Variants in RECQL4 observed in about 807,000 individuals in gnomAD.
The protein encoded by RECQL4 is RecQ like helicase 4.
A neutral mutation model predicts 128.6 loss-of-function variants in RECQL4; 158 were observed. The ratio of observed to expected loss-of-function variants is 1.23; its 90% CI spans 1.08 to 1.40. The LOEUF is 1.40. Among genes scored for constraint, RECQL4 ranks in the 40% most tolerant of loss-of-function variants. The probability of loss-of-function intolerance (pLI) is 0.00; values close to 1 mark genes in which losing one functional copy is unlikely to be tolerated. For missense variants in RECQL4, 2,293 were observed against 1,649.8 expected (o/e 1.39, Z -6.75); for synonymous variants, 996 against 678.9 (o/e 1.47, Z -7.26).
At position 144,514,982 on chromosome 8, in the gene RECQL4, CA is replaced by C. The variant is rs386833845; in HGVS notation, c.1573del (p.Cys525AlafsTer33). ...CAGGGGAGAGACGACCAACGTGAGGCAGGGGCTGCGCCGGCTGTAGAGCAGC... is the reference window on the plus strand; with the variant it reads ...CAGGGGAGAGACGACCAACGTGAGGCGGGGCTGCGCCGGCTGTAGAGCAGC... The part of the protein sequence containing the change: ...PALLYSRRSP[C>X]LTLVVSPLLS... On this transcript the variant is annotated frameshift_variant, in exon 9 of 21. Coordinates refer to ENST00000617875, the MANE Select transcript of RECQL4 (RefSeq NM_004260.4). LOFTEE classifies it high-confidence loss of function. 647 of 1,611,852 alleles carry C rather than the reference CA, an allele frequency of 4.0e-4. No homozygotes were observed. Among genetic ancestry groups the C allele is most frequent in the Non-Finnish European group, 4.9e-4 (578 of 1,179,582 alleles).
rs774320251 is a variant in RECQL4 at position 144,512,329 on chromosome 8, C to A, written c.3056-5G>T. The A allele has an allele frequency of 6.2e-7, 1 of 1,611,968 alleles. No individual in the cohort carries two copies. Among genetic ancestry groups the A allele is most frequent in the Non-Finnish European group, 8.5e-7 (1 of 1,179,438 alleles). On this transcript the variant is annotated splice_region_variant and splice_polypyrimidine_tract_variant and intron_variant, in intron 17 of 20. Coordinates refer to ENST00000617875, the MANE Select transcript of RECQL4 (RefSeq NM_004260.4). ...CCCCTGTCCCACGCCGCACACCTGCCGGAAAGCATGTCAGATGCAGGCAGG... is the reference window on the plus strand; with the variant it reads ...CCCCTGTCCCACGCCGCACACCTGCAGGAAAGCATGTCAGATGCAGGCAGG...
chr8:144,515,368 C>G lies in RECQL4; in HGVS notation c.1348G>C (p.Val450Leu). ...VPEVPSLDPTVLPLYSLGPSG... is the reference protein window; with the variant it reads ...VPEVPSLDPTLLPLYSLGPSG... ...GGCCCCAGGGAGTAGAGTGGCAGCA[C>G]GGTGGGGTCCAGGCTGGGCACCTCA... is the stretch of plus-strand genomic sequence containing the variant. The change falls in exon 7 of 21, where the codon GTG becomes CTG. Residue 450 changes from valine (V) to leucine (L), a missense_variant. Val to Leu is a conservative substitution (Grantham distance 32). Coordinates refer to ENST00000617875, the MANE Select transcript of RECQL4 (RefSeq NM_004260.4). 6.2e-7 allele frequency: 1 copy of G among 1,612,718 alleles called. No individual in the cohort carries two copies. Among genetic ancestry groups the G allele is most frequent in the Non-Finnish European group, 8.5e-7 (1 of 1,179,828 alleles).
rs753386714 is a variant in RECQL4 at position 144,513,331 on chromosome 8, G to A, written c.2350C>T (p.Arg784Trp). ...FGMGLDRPDV[R>W]AVLHLGLPPS... ...GGCAGCCCCAGATGCAGCACAGCCC[G>A]CACATCTGGCCGGTCCAGCCCCATC... Residue 784 changes from arginine to tryptophan, a missense_variant, in exon 14 of 21, where the codon CGG (arginine) becomes TGG (tryptophan). Coordinates refer to ENST00000617875, the MANE Select transcript of RECQL4 (RefSeq NM_004260.4). The A allele has an allele frequency of 6.9e-6, 11 of 1,603,266 alleles. No individual in the cohort carries two copies. Among genetic ancestry groups the A allele is most frequent in the African/African-American group, 4.0e-5 (3 of 74,924 alleles).
chr8:144,513,863 G>C, intron 12 of RECQL4, 65 bp downstream of exon 12: 1 of 1,524,146 alleles, frequency 6.6e-7, no homozygotes. Flanking sequence ...TGGGGAGTGA[G>C]GAGGGGTCGG....
At position 144,516,086 on chromosome 8, in the gene RECQL4, G is replaced by A; in HGVS notation, c.1033C>T (p.Leu345=). Residue 345 remains leucine (L), a synonymous_variant, in exon 5 of 21, where the codon CTG becomes TTG. Transcript: ENST00000617875. The part of the protein sequence containing the change: ...GTAPLHIFPR[L]ARHDRGNYVR... ...TAATTGCCCCTGTCATGGCGGGCCA[G>A]CCGAGGGAAGATGTGCAGGGGGGCT... is the stretch of plus-strand genomic sequence containing the variant. 6.2e-7 allele frequency: 1 copy of A among 1,612,682 alleles called. No individual in the cohort carries two copies. Among genetic ancestry groups the A allele is most frequent in the South Asian group, 1.1e-5 (1 of 91,090 alleles).
At position 144,515,872 on chromosome 8, in the gene RECQL4, G is replaced by T. The variant is rs766026341; in HGVS notation, c.1150C>A (p.Arg384=). The part of the protein sequence containing the change: ...LRKQAWKQKW[R]KKGECFGGGG... ...CCCCCAAAACACTCCCCTTTCTTCC[G>T]CCACTTCTGCTTCCATGCCTGGGGG... is the stretch of plus-strand genomic sequence containing the variant. Residue 384 remains arginine (R), a synonymous_variant, in exon 6 of 21, where the codon CGG becomes AGG. Transcript: ENST00000617875. 1.2e-6 allele frequency: 2 copies of T among 1,612,814 alleles called. No individual in the cohort carries two copies. Among genetic ancestry groups the T allele is most frequent in the South Asian group, 2.2e-5 (2 of 91,044 alleles).
chr8:144,517,133 G>A lies in RECQL4; in HGVS notation c.271C>T (p.Gln91Ter), dbSNP rs2130735808. The A allele has an allele frequency of 1.2e-6, 2 of 1,611,864 alleles. No homozygotes were observed. Among genetic ancestry groups the A allele is most frequent in the Non-Finnish European group, 1.7e-6 (2 of 1,179,628 alleles). Residue 91 changes from glutamine to a stop codon, truncating the protein, a stop_gained, in exon 4 of 21, where the codon CAG becomes TAG. Transcript: ENST00000617875. LOFTEE classifies it high-confidence loss of function. ...HLNRAATKSP[Q>*]STPGRSRQGS... ...TGGCGGCTCCGCCCTGGCGTAGACT[G>A]TGGACTCTTGGTCGCAGCCCGATTC...
At chr8:144,513,821 G>GTGGGCA in intron 12 of RECQL4, 107 bp downstream of exon 12, 1 of 635,746 alleles carries the variant, frequency 1.6e-6, no homozygotes. Context: ...CGGCGTGGGC[G>GTGGGCA]GTGGGGAGTG....
rs750400159 is a variant in RECQL4 at position 144,512,405 on chromosome 8, G to A, written c.3042C>T (p.His1014=). The change falls in exon 17 of 21, where the codon CAC becomes CAT. Residue 1014 remains histidine (H), a synonymous_variant. Transcript: ENST00000617875. ...RRALCQLQWD[H]EPRTGVRRGT... is the part of the protein sequence containing the mutation. ...GGAGAGGCGCACCTGTCCTGGGCTC[G>A]TGGTCCCACTGCAGCTGGCAGAGAG... 6.0e-5 allele frequency: 96 copies of A among 1,607,148 alleles called. 2 individuals carry two copies. Among genetic ancestry groups the A allele is most frequent in the South Asian group, 5.7e-4 (52 of 90,956 alleles).
chr8:144,511,882 G>C (rs373689479), intron 19 of RECQL4, 29 bp downstream of exon 19: 2 of 1,609,784 alleles, frequency 1.2e-6, no homozygotes, highest in Non-Finnish European at 8.5e-7. Flanking sequence ...CTGCAACCCC[G>C]ATGAGCTGCC....
chr8:144,514,740 C>A (rs1827900541), intron 9 of RECQL4, among the ~76,000 whole-genome samples, 196 bp downstream of exon 9: 1 of 152,202 alleles, frequency 6.6e-6, no homozygotes, highest in Non-Finnish European at 1.5e-5. Flanking sequence ...TTTCCCAGCA[C>A]ATTTCCCGTA....
intron 12 of RECQL4, 77 bp from the exon 13 acceptor site, chr8:144,513,789 GGCGTGGGGAGTGAGGAGGGGT>G: frequency 1.4e-6 from 2 of 1,400,536 alleles, no homozygotes; most frequent in South Asian, 2.7e-5. Flanking sequence ...AGGAGGGGTC[GGCGTGGGGAGTGAGGAGGGGT>G]CGGCGTGGGC....
chr8:144,517,584 GC>G lies in RECQL4; in HGVS notation c.118+17del. On this transcript the variant is annotated intron_variant, in intron 2 of 20. Coordinates refer to ENST00000617875, the MANE Select transcript of RECQL4 (RefSeq NM_004260.4). ...GACCCGGTGTCTTCTCGCCCCCGCC[GC>G]CCCGCCGCGCGCTCACCGCGGGTCT... 1 of 1,478,372 alleles carries G rather than the reference GC, an allele frequency of 6.8e-7. No individual in the cohort carries two copies. The highest frequency in any genetic ancestry group is 1.3e-5 in the South Asian group (1 of 77,034). 91.6% of individuals were successfully genotyped at this position (1,478,372 alleles called of 1,614,324 possible).
In RECQL4 at chr8:144,516,062, A is replaced by C. The variant is rs1387465313; in HGVS notation, c.1057T>G (p.Tyr353Asp). 1.2e-6 allele frequency: 2 copies of C among 1,612,678 alleles called. No homozygotes were observed. Among genetic ancestry groups the C allele is most frequent in the Non-Finnish European group, 1.7e-6 (2 of 1,179,844 alleles). Reference protein sequence around the residue: ...PRLARHDRGNYVRLNMKQKHY... With the variant: ...PRLARHDRGNDVRLNMKQKHY... ...TTCTGCTTCATGTTGAGCCGTACGT[A>C]ATTGCCCCTGTCATGGCGGGCCAGC... Residue 353 changes from tyrosine to aspartate, a missense_variant, in exon 5 of 21, where the codon TAC (tyrosine) becomes GAC (aspartate). Physicochemically the swap from Tyr to Asp is radical, Grantham distance 160. Transcript: ENST00000617875.
At chr8:144,516,972 GAAA>G in intron 4 of RECQL4, 75 bp downstream of exon 4, 1 of 1,540,440 alleles carries the variant, frequency 6.5e-7, no homozygotes, top group Non-Finnish European at 8.8e-7. Context: ...TGTCTGTGTG[GAAA>G]AAATGACAAG....
At position 144,517,478 on chromosome 8, in the gene RECQL4, C is replaced by T. The variant is rs551963857; in HGVS notation, c.149G>A (p.Arg50His). 7 of 1,597,138 alleles carry T rather than the reference C, an allele frequency of 4.4e-6. No homozygotes were observed. The African/African-American group carries it at 9.4e-5, about 21-fold the overall frequency. ...ALYREYRTLK[R>H]TTGQAGGGLR... Reference sequence around the variant, plus strand: ...CCCGCCGCCGGCCTGGCCCGTGGTACGCTTCAGAGTGCGGTATTCCCGGTA... The same window carrying T: ...CCCGCCGCCGGCCTGGCCCGTGGTATGCTTCAGAGTGCGGTATTCCCGGTA... Residue 50 changes from arginine to histidine, a missense_variant, in exon 3 of 21, where the codon CGT (arginine) becomes CAT (histidine). By Grantham distance (29) the Arg-to-His change is conservative. Transcript: ENST00000617875.
In RECQL4 at chr8:144,517,816, C is replaced by T. The variant is rs1245582433; in HGVS notation, c.-32G>A. ...CGCGCCCGCCCGGCCTCCGCGCTTG[C>T]GATCGTCCAGCGAATCTCCCGCGCA... On this transcript the variant is annotated 5_prime_UTR_variant, in exon 1 of 21. Coordinates refer to ENST00000617875, the MANE Select transcript of RECQL4 (RefSeq NM_004260.4). 1.1e-5 allele frequency: 13 copies of T among 1,194,820 alleles called. No individual in the cohort carries two copies. Among genetic ancestry groups the T allele is most frequent in the Non-Finnish European group, 1.2e-5 (12 of 962,336 alleles). The allele number at this position is 1,194,820 out of a possible 1,614,324, so 74.0% of individuals were successfully genotyped here.
chr8:144,512,733 G>A lies in RECQL4; in HGVS notation c.2794C>T (p.His932Tyr), dbSNP rs1554897279. Reference sequence around the variant, plus strand: ...GTCGCCAGCAGCTCCAGCCAGTGGTGTGGGTGCAGCTCCAGGTAGCACAGC... The same window carrying A: ...GTCGCCAGCAGCTCCAGCCAGTGGTATGGGTGCAGCTCCAGGTAGCACAGC... ...TLLCYLELHP[H>Y]HWLELLATTY... The change falls in exon 16 of 21, where the codon CAC becomes TAC. Residue 932 changes from histidine (H) to tyrosine (Y), a missense_variant. By Grantham distance (83) the His-to-Tyr change is moderately conservative (BLOSUM62 2). Coordinates refer to ENST00000617875, the MANE Select transcript of RECQL4 (RefSeq NM_004260.4). 3 of 1,612,260 alleles carry A rather than the reference G, an allele frequency of 1.9e-6. No homozygotes were observed. The highest frequency in any genetic ancestry group is 1.7e-6 in the Non-Finnish European group (2 of 1,179,820).
rs752540498 is a variant in RECQL4, at chr8:144,512,022, C to T, written c.3282G>A (p.Glu1094=). Residue 1094 remains glutamate, a synonymous_variant, in exon 19 of 21, where the codon GAG becomes GAA. Transcript: ENST00000617875. ...SCGPCLEQQD[E]ERSTRLKDLL... is the part of the protein sequence containing the mutation. ...GGTCCTTGAGCCTGGTGCTGCGCTC[C>T]TCATCCTGCTGCTCCAGGCAGGGCC... is the stretch of plus-strand genomic sequence containing the variant. The T allele has an allele frequency of 7.5e-6, 12 of 1,609,002 alleles. No homozygotes were observed. The highest frequency in any genetic ancestry group is 1.7e-5 in the Admixed American group (1 of 59,584).
Sources: allele counts gnomAD v4.1 joint callset (sites outside exome capture counted in the v4.1 genomes callset), GRCh38; gene constraint gnomAD v4.1.1; transcripts MANE v1.5; gene names NCBI Gene and HGNC (gene_info 2026-07-23, HGNC 2026-07-21).